The following TADA2A variants were observed in gnomAD, a reference collection of about 807,000 sequenced individuals.
TADA2A encodes transcriptional adapter 2-alpha.
A neutral mutation model predicts 67.4 loss-of-function variants in TADA2A; 38 were observed. The ratio of observed to expected loss-of-function variants is 0.56; its 90% CI spans 0.44 to 0.74. The LOEUF is 0.74. Ranked by LOEUF, TADA2A falls within the 30% of genes least tolerant of loss-of-function variation. The probability of loss-of-function intolerance (pLI) is 0.00; values close to 1 mark genes in which losing one functional copy is unlikely to be tolerated. For missense variants in TADA2A, 454 were observed against 547.0 expected (o/e 0.83, Z 1.70); for synonymous variants, 192 against 181.6 (o/e 1.06, Z -0.46).
chr17:37,473,195 A>G (rs2053828043), intron 14 of TADA2A, among the ~76,000 whole-genome samples: 1 of 140,250 alleles, frequency 7.1e-6, no homozygotes, highest in Non-Finnish European at 1.5e-5. Context: ...TTGGTCTTGA[A>G]CTCCTGGGCT....
intron 3 of TADA2A, among the ~76,000 whole-genome samples, chr17:37,424,649 C>T (rs1025107517): frequency 1.3e-5 from 2 of 151,980 alleles, no homozygotes; most frequent in Non-Finnish European, 2.9e-5. Flanking sequence ...CTCTGCCTCC[C>T]GGGTTCAAGC....
rs573847916 is a variant in TADA2A, at chr17:37,469,271, G to T, written c.896-1129G>T. ...GCCTTATGGATGTAAGTTCAGCCTAGTATAATGGCTCTTTAACAGTGGAAA... is the reference window on the plus strand; with the variant it reads ...GCCTTATGGATGTAAGTTCAGCCTATTATAATGGCTCTTTAACAGTGGAAA... On this transcript the variant is annotated intron_variant, in intron 12 of 15. Coordinates refer to ENST00000615182, the MANE Select transcript of TADA2A (RefSeq NM_001166105.3). Among the ~76,000 whole-genome samples, 31 of 151,986 alleles carry T rather than the reference G, an allele frequency of 2.0e-4. No individual in the cohort carries two copies. In the South Asian group the frequency reaches 6.5e-3, roughly 32 times the overall value.
At position 37,465,668 on chromosome 17, in the gene TADA2A, T is replaced by C. The variant is rs184466339; in HGVS notation, c.823+127T>C. ...GGATATTTCTCTCTTTGTTCCCCTTTATTACCATGAGACAAATTTGGGACT... is the reference window on the plus strand; with the variant it reads ...GGATATTTCTCTCTTTGTTCCCCTTCATTACCATGAGACAAATTTGGGACT... On this transcript the variant is annotated intron_variant, in intron 11 of 15. Coordinates refer to ENST00000615182, the MANE Select transcript of TADA2A (RefSeq NM_001166105.3). 2.7e-6 allele frequency: 4 copies of C among 1,506,754 alleles called. No homozygotes were observed. The Admixed American group carries it at 8.3e-5, about 31-fold the overall frequency. The allele number at this position is 1,506,754 out of a possible 1,614,324, so 93.3% of individuals were successfully genotyped here.
Position 37,411,401 on chromosome 17 carries a change from T to C in TADA2A, c.25+11T>C. The C allele has an allele frequency of 2.5e-6, 4 of 1,612,068 alleles. No individual in the cohort carries two copies. The highest frequency in any genetic ancestry group is 1.3e-5 in the African/African-American group (1 of 74,922). ...TGGGTTCCTTTAGCAGTAAGTACAG[T>C]GGGAACAAGTCTCAGGTGACTTATT... On this transcript the variant is annotated intron_variant, in intron 2 of 15. Transcript: ENST00000615182.
rs1183705561 is a variant in TADA2A, at chr17:37,478,119, A to G, written c.*1137A>G. On this transcript the variant is annotated 3_prime_UTR_variant, in exon 16 of 16. Coordinates refer to ENST00000615182, the MANE Select transcript of TADA2A (RefSeq NM_001166105.3). ...GGCAACAAAGTGAGACTCTGTCTCA[A>G]AAAAAAAAAAACAAAAAAAAACCTT... 6.7e-6 allele frequency: 1 copy of G among 150,018 alleles called. No individual in the cohort carries two copies. The highest frequency in any genetic ancestry group is 1.5e-5 in the Non-Finnish European group (1 of 67,536). 9.3% of individuals were successfully genotyped at this position (150,018 alleles called of 1,614,324 possible). A position where few individuals can be genotyped will look rare whatever the true frequency, so the allele number is the denominator to read the frequency against.
chr17:37,473,127 ATTTTTTTTTTT>A lies in TADA2A; in HGVS notation c.1073-1414_1073-1404del, dbSNP rs1020173351. Among the ~76,000 whole-genome samples the A allele has an allele frequency of 1.2e-3, 105 of 85,696 alleles. 1 individual carries two copies. Among genetic ancestry groups the A allele is most frequent in the African/African-American group, 4.5e-3 (102 of 22,792 alleles). The allele number at this position is 85,696 out of a possible 152,430, so 56.2% of individuals were successfully genotyped here. A position where few individuals can be genotyped will look rare whatever the true frequency, so the allele number is the denominator to read the frequency against. ...GGTGAATGCCACCAAACCTGGAGAA[ATTTTTTTTTTT>A]TTTTTTTTTTTTTTGGTAGAAACAA... is the stretch of plus-strand genomic sequence containing the variant. On this transcript the variant is annotated intron_variant, in intron 14 of 15. Coordinates refer to ENST00000615182, the MANE Select transcript of TADA2A (RefSeq NM_001166105.3).
intron 11 of TADA2A, 24 bp from the exon 12 acceptor site, chr17:37,467,430 C>G (rs374364239): frequency 4.7e-5 from 76 of 1,604,314 alleles, no homozygotes; most frequent in Non-Finnish European, 6.2e-5. Flanking sequence ...TAATTTTTTC[C>G]TTCATTCCTT....
chr17:37,444,086 C>CA (rs1370476877), intron 7 of TADA2A, among the ~76,000 whole-genome samples: 3 of 151,060 alleles, frequency 2.0e-5, no homozygotes, highest in Non-Finnish European at 4.4e-5. Flanking sequence ...ACAACAACAA[C>CA]AAAAAAAACC....
At chr17:37,468,887 A>G (rs950823299) in intron 12 of TADA2A, among the ~76,000 whole-genome samples, 4 of 151,936 alleles carry the variant, frequency 2.6e-5, no homozygotes, top group African/African-American at 9.7e-5. Flanking sequence ...ACTATCTATA[A>G]GAAATAGTTG....
intron 8 of TADA2A, among the ~76,000 whole-genome samples, chr17:37,456,374 G>A (rs185179133): frequency 4.3e-4 from 65 of 152,310 alleles, no homozygotes; most frequent in African/African-American, 1.5e-3. Context: ...GAAGAGGTGA[G>A]TTACAGTAAG....
chr17:37,443,829 A>G (rs2052994402), intron 7 of TADA2A, among the ~76,000 whole-genome samples: 1 of 152,216 alleles, frequency 6.6e-6, no homozygotes, highest in South Asian at 2.1e-4. Flanking sequence ...ATCCACAAGT[A>G]TATAAAGAAT....
chr17:37,465,036 A>G (rs1301548838), intron 10 of TADA2A, among the ~76,000 whole-genome samples: 3 of 151,440 alleles, frequency 2.0e-5, no homozygotes, highest in Non-Finnish European at 4.4e-5. Flanking sequence ...AATCCCAGCT[A>G]CTTTGGGAGG....
At chr17:37,449,153 T>C (rs1316599068) in intron 8 of TADA2A, among the ~76,000 whole-genome samples, 1 of 152,144 alleles carries the variant, frequency 6.6e-6, no homozygotes, top group Non-Finnish European at 1.5e-5. Context: ...CCCGAGTAGC[T>C]GGGACTACAG....
intron 8 of TADA2A, among the ~76,000 whole-genome samples, chr17:37,445,916 A>T (rs1347916312): frequency 6.6e-6 from 1 of 152,134 alleles, no homozygotes; most frequent in African/African-American, 2.4e-5. Flanking sequence ...TTATAAATCA[A>T]GTTTTCATAT....
chr17:37,430,623 G>A (rs73284464), intron 4 of TADA2A, among the ~76,000 whole-genome samples: 19,261 of 152,110 alleles, frequency 0.13, 1,419 homozygotes, highest in East Asian at 0.25. Flanking sequence ...AACTGCCTGG[G>A]AGCTTCTTAT....
At chr17:37,412,613 G>A (rs978824276) in intron 2 of TADA2A, among the ~76,000 whole-genome samples, 1 of 151,892 alleles carries the variant, frequency 6.6e-6, no homozygotes, top group East Asian at 1.9e-4. Context: ...GCAAAACCCC[G>A]TCTCTACTAA....
rs549897174 is a variant in TADA2A, at chr17:37,474,811, T to G, written c.1146+182T>G. ...CCGTTTGTGGCAGATTTCAGAGAAT[T>G]GCTTACCTTGTCACCCTACCACCAT... On this transcript the variant is annotated intron_variant, in intron 15 of 15. Coordinates refer to ENST00000615182, the MANE Select transcript of TADA2A (RefSeq NM_001166105.3). Among the ~76,000 whole-genome samples, 5 of 152,324 alleles carry G rather than the reference T, an allele frequency of 3.3e-5. No individual in the cohort carries two copies. The East Asian group carries it at 9.6e-4, about 29-fold the overall frequency.
At chr17:37,449,752 TG>T (rs1167542584) in intron 8 of TADA2A, among the ~76,000 whole-genome samples, 1 of 152,098 alleles carries the variant, frequency 6.6e-6, no homozygotes, top group African/African-American at 2.4e-5. Flanking sequence ...CCTGAGTAGC[TG>T]GGACTCCAGG....
At position 37,457,491 on chromosome 17, in the gene TADA2A, C is replaced by CT. The variant is rs71135729; in HGVS notation, c.605-1009dup. Among the ~76,000 whole-genome samples, 682 of 72,374 alleles carry CT rather than the reference C, an allele frequency of 9.4e-3. 17 individuals carry two copies. The highest frequency in any genetic ancestry group is 0.011 in the African/African-American group (179 of 16,236). The allele number at this position is 72,374 out of a possible 152,430, so 47.5% of individuals were successfully genotyped here. A position where few individuals can be genotyped will look rare whatever the true frequency, so the allele number is the denominator to read the frequency against. On this transcript the variant is annotated intron_variant, in intron 8 of 15. Transcript: ENST00000615182. ...CCACTGTGCCCAACCAACATTAATT[C>CT]TTTTTTTTTTTTTTTTTTTTTTTTG...
Sources: gnomAD v4.1 joint callset for allele counts (sites outside exome capture counted in the v4.1 genomes callset) on GRCh38, gnomAD v4.1.1 for gene constraint, MANE v1.5 for transcripts, NCBI Gene and HGNC (gene_info 2026-07-23, HGNC 2026-07-21) for gene names.